Variants in ZNF362 observed in about 807,000 individuals in gnomAD.
ZNF362 encodes the protein rotund homolog.
In ZNF362, 11 loss-of-function variants were observed where a neutral mutation model predicts 42.9. The ratio of observed to expected loss-of-function variants is 0.26; its 90% confidence interval spans 0.16 to 0.42. The LOEUF (loss-of-function observed/expected upper bound fraction) is 0.42. ZNF362 is among the 20% of genes least tolerant of loss of function. The pLI is 1.00. For synonymous variants in ZNF362, 255 were observed against 257.3 expected (o/e 0.99, Z 0.09); for missense variants, 362 against 576.2 (o/e 0.63, Z 3.81).
chr1:33,195,502 C>G, the ZNF362 span: 1 of 152,146 alleles, frequency 6.6e-6, no homozygotes, highest in Admixed American at 6.5e-5. Flanking sequence ...TTACACAAAC[C>G]TGGATGTCAT....
At chr1:33,279,304 C>T (rs954483510) in intron 4 of ZNF362, among the ~76,000 whole-genome samples, 3 of 152,110 alleles carry the variant, frequency 2.0e-5, no homozygotes, top group Admixed American at 6.5e-5. Flanking sequence ...GGATTACAAG[C>T]GTGAGCCGCC....
the ZNF362 span, among the ~76,000 whole-genome samples, chr1:33,149,301 C>A: frequency 1.3e-5 from 2 of 152,078 alleles, no homozygotes; most frequent in Admixed American, 1.3e-4. Flanking sequence ...TATAGGCACG[C>A]GCCACCACGC....
chr1:33,223,817 AG>A, the ZNF362 span, among the ~76,000 whole-genome samples: 2 of 151,008 alleles, frequency 1.3e-5, no homozygotes, highest in East Asian at 2.0e-4. Flanking sequence ...CGCTTGAACC[AG>A]GGAGGTGGAG....
In ZNF362 at chr1:33,299,048, C is replaced by A. The variant is rs779799058; in HGVS notation, c.*2C>A. ...CCGGTGCGAATCTCTCTCATCTGAG[C>A]CCACTGGAGGCGCCGCCCCACCCGG... On this transcript the variant is annotated 3_prime_UTR_variant, in exon 9 of 9. Transcript: ENST00000539719. The A allele has an allele frequency of 1.7e-5, 27 of 1,605,758 alleles. No homozygotes were observed. In the Admixed American group the frequency reaches 3.5e-4, roughly 21 times the overall value.
the ZNF362 span, chr1:33,147,243 G>A: frequency 5.6e-6 from 9 of 1,614,076 alleles, no homozygotes; most frequent in Non-Finnish European, 7.6e-6. This position sits in a 1 kb window ranked among gnomAD's most constrained non-coding sequence, Gnocchi z 8.1. Context: ...TCTGGCCAGG[G>A]CTGAAGTAAG....
chr1:33,189,716 T>TACAC, the ZNF362 span, among the ~76,000 whole-genome samples: 1 of 128,184 alleles, frequency 7.8e-6, no homozygotes, highest in Non-Finnish European at 1.6e-5. Context: ...TACGTATATA[T>TACAC]ATACATACAC....
At chr1:33,257,385 C>T (rs1189203357) in intron 1 of ZNF362, among the ~76,000 whole-genome samples, 1 of 149,608 alleles carries the variant, frequency 6.7e-6, no homozygotes, top group African/African-American at 2.4e-5. Flanking sequence ...AAGTTAACTC[C>T]GAAAGTTTGC....
Position 33,281,658 on chromosome 1 carries a change from C to A in ZNF362, c.755C>A (p.Ala252Asp). Reference protein sequence around the residue: ...MQIHSKSHTEAKPHKCPHCSK... With the variant: ...MQIHSKSHTEDKPHKCPHCSK... ...ATCCACTCCAAGTCGCACACAGAGG[C>A]CAAGCCCCACAAGTGCCCGCACTGC... Residue 252 changes from alanine (A) to aspartate (D), a missense_variant, in exon 6 of 9, where the codon GCC becomes GAC. Physicochemically the swap from Ala to Asp is moderately radical, Grantham distance 126 (BLOSUM62 -2). Coordinates refer to ENST00000539719, the MANE Select transcript of ZNF362 (RefSeq NM_152493.3). This position sits in a 1 kb window ranked among gnomAD's most constrained non-coding sequence, Gnocchi z 4.8. The A allele has an allele frequency of 6.2e-7, 1 of 1,614,242 alleles. No individual in the cohort carries two copies. The highest frequency in any genetic ancestry group is 8.5e-7 in the Non-Finnish European group (1 of 1,180,044).
At chr1:33,159,746 G>T in the ZNF362 span, 47 of 1,612,892 alleles carry the variant, frequency 2.9e-5, no homozygotes, top group Non-Finnish European at 4.0e-5. This position sits in a 1 kb window ranked among gnomAD's most constrained non-coding sequence, Gnocchi z 4.2. Flanking sequence ...TCAGCCAGCC[G>T]CTCCTGCAGG....
At chr1:33,181,184 G>A in the ZNF362 span, 2 of 1,594,966 alleles carry the variant, frequency 1.3e-6, no homozygotes, top group Non-Finnish European at 1.7e-6. This position sits in a 1 kb window ranked among gnomAD's most constrained non-coding sequence, Gnocchi z 6.5. Flanking sequence ...GCGCGTTGAG[G>A]ATGGCGTCCA....
the ZNF362 span, among the ~76,000 whole-genome samples, chr1:33,180,097 C>T: frequency 6.6e-6 from 1 of 152,036 alleles, no homozygotes; most frequent in Admixed American, 6.6e-5. Flanking sequence ...TCAGTGAAGA[C>T]AGGAAGTCTT....
chr1:33,221,208 C>CT, the ZNF362 span, among the ~76,000 whole-genome samples: 47 of 152,280 alleles, frequency 3.1e-4, no homozygotes, highest in Admixed American at 9.1e-4. Flanking sequence ...TCAATCCCTC[C>CT]GGAATGTAAG....
At chr1:33,148,762 A>G in the ZNF362 span, among the ~76,000 whole-genome samples, 2 of 152,352 alleles carry the variant, frequency 1.3e-5, no homozygotes, top group South Asian at 4.1e-4. Flanking sequence ...GATATTACAC[A>G]TGATTTGTTA....
chr1:33,160,492 C>A, the ZNF362 span, among the ~76,000 whole-genome samples: 1 of 152,068 alleles, frequency 6.6e-6, no homozygotes, highest in African/African-American at 2.4e-5. Context: ...GCAACCTCCA[C>A]CTCCTGGGTT....
intron 1 of ZNF362, among the ~76,000 whole-genome samples, chr1:33,257,490 C>T (rs1472467308): frequency 6.6e-6 from 1 of 151,496 alleles, no homozygotes; most frequent in African/African-American, 2.4e-5. Context: ...ATTTCTCCCC[C>T]AGCCAGCTGC....
At chr1:33,246,575 C>T in the ZNF362 span, among the ~76,000 whole-genome samples, 1 of 152,220 alleles carries the variant, frequency 6.6e-6, no homozygotes, top group African/African-American at 2.4e-5. Context: ...GGTCTGAAGT[C>T]AAGCCCACCT....
the ZNF362 span, chr1:33,147,829 G>A: frequency 7.6e-7 from 1 of 1,316,492 alleles, no homozygotes; most frequent in Non-Finnish European, 1.0e-6. The surrounding 1 kb of genome is among the most constrained non-coding windows in gnomAD (Gnocchi z 8.1). Flanking sequence ...TACGCAGGAG[G>A]CCTCTGACCT....
chr1:33,231,228 G>C, the ZNF362 span, among the ~76,000 whole-genome samples: 1 of 152,198 alleles, frequency 6.6e-6, no homozygotes, highest in Non-Finnish European at 1.5e-5. Flanking sequence ...CAGTTAGAAG[G>C]AAGCGGAGCT....
At chr1:33,230,105 AAACCT>A in the ZNF362 span, among the ~76,000 whole-genome samples, 5 of 152,170 alleles carry the variant, frequency 3.3e-5, no homozygotes, top group African/African-American at 1.2e-4. Flanking sequence ...ATTTTGAAAA[AAACCT>A]ATAACCATAG....
Sources: gnomAD v4.1 joint callset for allele counts (sites outside exome capture counted in the v4.1 genomes callset) on GRCh38, gnomAD v4.1.1 for gene constraint, Gnocchi (gnomAD v3.1) non-coding constraint, MANE v1.5 for transcripts, NCBI Gene and HGNC (gene_info 2026-07-23, HGNC 2026-07-21) for gene names.